The following PPL variants were observed in gnomAD, a reference collection of about 807,000 sequenced individuals.
The protein encoded by PPL is periplakin.
Under a neutral mutation model 194.4 loss-of-function variants are expected in PPL, and 198 were observed. That is an observed-to-expected ratio of 1.02 (90% CI 0.91 to 1.15). PPL has a LOEUF of 1.15. Ranked by LOEUF, PPL falls within the 50% of genes most tolerant of loss-of-function variation. PPL has a pLI of 0.00. For synonymous variants in PPL, 1,220 were observed against 972.4 expected, an observed-to-expected ratio of 1.25 and a Z score of -4.74; for missense variants, 2,885 against 2,294.8, an observed-to-expected ratio of 1.26 and a Z score of -5.25.
Position 4,887,122 on chromosome 16 carries a change from T to C in PPL, c.2607+13A>G. ...AACAGCCTGAAGTAGAATTTCTTAC[T>C]AAGATCAGTTACCTGTCTGAGGAGA... On this transcript the variant is annotated intron_variant, in intron 21 of 21. Transcript: ENST00000345988. The C allele has an allele frequency of 1.3e-6, 2 of 1,594,930 alleles. No homozygotes were observed. The highest frequency in any genetic ancestry group is 1.1e-5 in the South Asian group (1 of 90,706).
chr16:4,899,048 G>A lies in PPL; in HGVS notation c.841C>T (p.Leu281=). ...NKLHSEGDQL[L]AAEHPGRNSI... ...TTCCTCCCGGGGTGCTCGGCCGCCA[G>A]CAGCTGGTCGCCCTCGCTGTGCAGT... Residue 281 remains leucine, a synonymous_variant, in exon 8 of 22, where the codon CTG becomes TTG. Coordinates refer to ENST00000345988, the MANE Select transcript of PPL (RefSeq NM_002705.5). The A allele has an allele frequency of 6.2e-7, 1 of 1,609,676 alleles. No homozygotes were observed. The highest frequency in any genetic ancestry group is 8.5e-7 in the Non-Finnish European group (1 of 1,177,576).
chr16:4,921,030 T>C (rs2089039529), intron 1 of PPL, among the ~76,000 whole-genome samples: 1 of 152,222 alleles, frequency 6.6e-6, no homozygotes, highest in Admixed American at 6.5e-5. Context: ...GGTCAGGGGC[T>C]GCCTGCTAGA....
rs1032951734 is a variant in PPL at position 4,928,054 on chromosome 16, G to A, written c.62+8930C>T. On this transcript the variant is annotated intron_variant, in intron 1 of 21. Coordinates refer to ENST00000345988, the MANE Select transcript of PPL (RefSeq NM_002705.5). The stretch of plus-strand genomic sequence containing the variant: ...ACTGCAGCTTTGAATTCCTAGACTC[G>A]GGGGATAAACAGGGCTCAAGCCAAC... Among the ~76,000 whole-genome samples the A allele has an allele frequency of 5.3e-5, 8 of 152,316 alleles. No individual in the cohort carries two copies. The East Asian group carries it at 1.3e-3, about 26-fold the overall frequency.
At chr16:4,930,778 G>A (rs911588868) in intron 1 of PPL, among the ~76,000 whole-genome samples, 10 of 152,222 alleles carry the variant, frequency 6.6e-5, no homozygotes, top group Non-Finnish European at 1.2e-4. Flanking sequence ...GGCATTCTGG[G>A]CAACAGGAAT....
At position 4,884,392 on chromosome 16, in the gene PPL, C is replaced by T; in HGVS notation, c.4263G>A (p.Gln1421=). 1 of 1,610,378 alleles carries T rather than the reference C, an allele frequency of 6.2e-7. No individual in the cohort carries two copies. The highest frequency in any genetic ancestry group is 8.5e-7 in the Non-Finnish European group (1 of 1,179,336). The change falls in exon 22 of 22, where the codon CAG becomes CAA. Residue 1421 remains glutamine, a synonymous_variant. Coordinates refer to ENST00000345988, the MANE Select transcript of PPL (RefSeq NM_002705.5). This position sits in a 1 kb window ranked among gnomAD's most constrained non-coding sequence, Gnocchi z 5.7. ...GCGCTGCCAGCCGCTGCTGCAACCG[C>T]TGTACCTCGCGCTCGGCCTCCCTGC... ...QARREAEREV[Q]RLQQRLAALE... is the part of the protein sequence containing the mutation.
intron 2 of PPL, among the ~76,000 whole-genome samples, chr16:4,909,476 G>C (rs2088775589): frequency 6.9e-6 from 1 of 145,802 alleles, no homozygotes. Context: ...GCCCAGGCTG[G>C]AGCGCAGTGG....
intron 1 of PPL, among the ~76,000 whole-genome samples, chr16:4,923,903 T>C (rs1461508309): frequency 6.6e-6 from 1 of 152,210 alleles, no homozygotes; most frequent in Non-Finnish European, 1.5e-5. Context: ...TTGTCTGTTG[T>C]TCACTGCCAT....
intron 1 of PPL, among the ~76,000 whole-genome samples, chr16:4,912,838 T>C (rs1256846232): frequency 6.6e-6 from 1 of 152,174 alleles, no homozygotes; most frequent in Non-Finnish European, 1.5e-5. Flanking sequence ...GTGTGGTGGC[T>C]CATACCTGTA....
intron 1 of PPL, among the ~76,000 whole-genome samples, chr16:4,917,624 G>C (rs1487401490): frequency 6.6e-6 from 1 of 152,200 alleles, no homozygotes; most frequent in Non-Finnish European, 1.5e-5. Flanking sequence ...CACTGGGCTG[G>C]GCGTGGTGGC....
rs902584725 is a variant in PPL at position 4,891,835 on chromosome 16, C to G, written c.1944G>C (p.Leu648=). Reference sequence around the variant, plus strand: ...CCGCCAGCTCCTGCCCCTTGCTGTCCAGGACACGGCTGCTCTCAGGCACTG... The same window carrying G: ...CCGCCAGCTCCTGCCCCTTGCTGTCGAGGACACGGCTGCTCTCAGGCACTG... ...DDTVPESSRV[L]DSKGQELAAM... Residue 648 remains leucine, a synonymous_variant, in exon 16 of 22, where the codon CTG becomes CTC. Coordinates refer to ENST00000345988, the MANE Select transcript of PPL (RefSeq NM_002705.5). The G allele has an allele frequency of 6.2e-7, 1 of 1,612,706 alleles. No homozygotes were observed. Among genetic ancestry groups the G allele is most frequent in the Non-Finnish European group, 8.5e-7 (1 of 1,179,672 alleles).
At chr16:4,930,712 G>A (rs540775926) in intron 1 of PPL, among the ~76,000 whole-genome samples, 1 of 152,338 alleles carries the variant, frequency 6.6e-6, no homozygotes, top group Non-Finnish European at 1.5e-5. Flanking sequence ...AGGCTTCCCT[G>A]AGGAACAGAA....
At chr16:4,924,803 G>A (rs2089125274) in intron 1 of PPL, among the ~76,000 whole-genome samples, 1 of 152,052 alleles carries the variant, frequency 6.6e-6, no homozygotes, top group Non-Finnish European at 1.5e-5. Flanking sequence ...CACCTGGCCT[G>A]CTCACAGCCA....
intron 14 of PPL, 139 bp from the exon 15 acceptor site, chr16:4,892,352 A>C: frequency 2.1e-6 from 2 of 970,242 alleles, no homozygotes; most frequent in Non-Finnish European, 3.0e-6. Context: ...TGGGGCTCTG[A>C]CCCGGCATCT....
intron 13 of PPL, 72 bp downstream of exon 13, chr16:4,893,469 C>T (rs1328140600): frequency 6.3e-7 from 1 of 1,593,914 alleles, no homozygotes. Flanking sequence ...GTCTCATCCA[C>T]AGCACAGACC....
intron 1 of PPL, among the ~76,000 whole-genome samples, chr16:4,922,463 A>C (rs2089068581): frequency 6.6e-6 from 1 of 152,172 alleles, no homozygotes; most frequent in Non-Finnish European, 1.5e-5. Context: ...GGAGTTCCAG[A>C]CCAGCCTGGC....
chr16:4,903,848 CA>C (rs1463056485), intron 3 of PPL, 37 bp downstream of exon 3: 1 of 1,609,958 alleles, frequency 6.2e-7, no homozygotes, highest in African/African-American at 1.3e-5. Context: ...CCATAGCCCC[CA>C]ATGGCTCCCC....
chr16:4,922,307 G>A (rs915281411), intron 1 of PPL, among the ~76,000 whole-genome samples: 2 of 152,172 alleles, frequency 1.3e-5, no homozygotes, highest in African/African-American at 4.8e-5. Flanking sequence ...TGAGGAGCCC[G>A]GCTCTGCCTT....
At chr16:4,903,787 A>G in intron 3 of PPL, 99 bp downstream of exon 3, 1 of 1,439,388 alleles carries the variant, frequency 6.9e-7, no homozygotes. Context: ...TTAGCCCTTG[A>G]TAACCCCTGA....
chr16:4,885,562 C>T lies in PPL; in HGVS notation c.3093G>A (p.Val1031=). The change falls in exon 22 of 22, where the codon GTG becomes GTA. Residue 1031 remains valine (V), a synonymous_variant. Transcript: ENST00000345988. The surrounding 1 kb of genome is among the most constrained non-coding windows in gnomAD (Gnocchi z 6.3). The part of the protein sequence containing the change: ...RRQKGAREAE[V]LLLQQRVAAL... ...CGGCCACACGCTGCTGCAGGAGGAG[C>T]ACCTCTGCCTCCCGGGCGCCCTTCT... 2 of 1,610,688 alleles carry T rather than the reference C, an allele frequency of 1.2e-6. No homozygotes were observed. Among genetic ancestry groups the T allele is most frequent in the Non-Finnish European group, 1.7e-6 (2 of 1,179,900 alleles).
Sources: allele counts gnomAD v4.1 joint callset (sites outside exome capture counted in the v4.1 genomes callset), GRCh38; gene constraint gnomAD v4.1.1; non-coding constraint Gnocchi (gnomAD v3.1); transcripts MANE v1.5; gene names NCBI Gene and HGNC (gene_info 2026-07-23, HGNC 2026-07-21).